PLA2G2C: variants seen among roughly 807,000 people sequenced by gnomAD.
PLA2G2C encodes putative inactive group IIC secretory phospholipase A2.
Under a neutral mutation model 14.3 loss-of-function variants are expected in PLA2G2C, and 15 were observed. The observed-to-expected ratio is 1.05, with a 90% confidence interval of 0.70 to 1.62. The LOEUF is 1.62. Ranked by LOEUF, PLA2G2C falls within the 40% of genes most tolerant of loss-of-function variation. The pLI, the probability that PLA2G2C is intolerant of heterozygous loss-of-function variation, is 0.00. For missense variants in PLA2G2C, 162 were observed against 173.2 expected, an observed-to-expected ratio of 0.94 and a Z score of 0.36; for synonymous variants, 79 against 67.7, an observed-to-expected ratio of 1.17 and a Z score of -0.82.
intron 4 of PLA2G2C, among the ~76,000 whole-genome samples, chr1:20,165,512 A>G (rs1306511442): frequency 6.6e-6 from 1 of 152,220 alleles, no homozygotes; most frequent in Admixed American, 6.5e-5. Context: ...CACAGAGCAG[A>G]TGCTCAATAG....
intron 1 of PLA2G2C, among the ~76,000 whole-genome samples, chr1:20,185,701 T>C (rs550581094): frequency 1.2e-4 from 18 of 152,148 alleles, no homozygotes; most frequent in South Asian, 4.2e-4. Flanking sequence ...GTTCCGAGAA[T>C]CCATCAGTCC....
At chr1:20,179,216 G>C (rs1024708288) in intron 1 of PLA2G2C, among the ~76,000 whole-genome samples, 100 of 148,250 alleles carry the variant, frequency 6.7e-4, no homozygotes, top group African/African-American at 2.3e-3. Flanking sequence ...GTTTCTCTGT[G>C]TGTGTGTGTG....
intron 3 of PLA2G2C, 79 bp from the exon 4 acceptor site, chr1:20,172,976 G>T: frequency 2.0e-6 from 2 of 1,013,884 alleles, no homozygotes; most frequent in South Asian, 1.4e-5. Flanking sequence ...CCTCCTCTAG[G>T]CAAGAAGGCA....
chr1:20,183,680 C>G (rs776338705), intron 1 of PLA2G2C, among the ~76,000 whole-genome samples: 3 of 152,064 alleles, frequency 2.0e-5, no homozygotes, highest in Non-Finnish European at 4.4e-5. Flanking sequence ...AAGGGCTTCA[C>G]GGAAGAGGTG....
chr1:20,180,775 G>A (rs1430478656), intron 1 of PLA2G2C, among the ~76,000 whole-genome samples: 1 of 152,220 alleles, frequency 6.6e-6, no homozygotes, highest in Non-Finnish European at 1.5e-5. Flanking sequence ...CTTGATGAGG[G>A]GCAAGAATGT....
intron 1 of PLA2G2C, among the ~76,000 whole-genome samples, chr1:20,179,772 T>C (rs1182407798): frequency 7.0e-6 from 1 of 142,800 alleles, no homozygotes; most frequent in Non-Finnish European, 1.5e-5. Flanking sequence ...GTGTGTGAGC[T>C]TGTCCCTCTG....
intron 3 of PLA2G2C, among the ~76,000 whole-genome samples, 187 bp from the exon 4 acceptor site, chr1:20,173,084 G>C (rs982290451): frequency 6.6e-6 from 1 of 151,896 alleles, no homozygotes; most frequent in East Asian, 1.9e-4. Context: ...TAAGGCAGGA[G>C]GATCGCTTCA....
rs752547599 is a variant in PLA2G2C, at chr1:20,175,111, C to T, written c.75G>A (p.Arg25=). 2 of 1,613,966 alleles carry T rather than the reference C, an allele frequency of 1.2e-6. No individual in the cohort carries two copies. The highest frequency in any genetic ancestry group is 8.5e-7 in the Non-Finnish European group (1 of 1,179,874). The change falls in exon 3 of 5, where the codon AGG becomes AGA. Residue 25 remains arginine, a synonymous_variant. Transcript: ENST00000679259. The part of the protein sequence containing the change: ...PTHSSFWQFQ[R]RVKHITGRSA... ...TTCGCCCCGTGATGTGTTTGACCCT[C>T]CTCTGAAACTGCCAGAAACTGCTGT...
In PLA2G2C at chr1:20,172,803, C is replaced by A; in HGVS notation, c.274G>T (p.Ala92Ser). Residue 92 changes from alanine (A) to serine (S), a missense_variant, in exon 4 of 5, where the codon GCA (alanine) becomes TCA (serine). Ala to Ser is a moderately conservative substitution (Grantham distance 99). Transcript: ENST00000679259. Reference protein sequence around the residue: ...NSYQFHIVNGAVVCGCTLGPG... With the variant: ...NSYQFHIVNGSVVCGCTLGPG... ...AGAAAAGGCTACTCACAAACCACTGCGCCATTGACGATGTGGAACTGGTAG... is the reference window on the plus strand; with the variant it reads ...AGAAAAGGCTACTCACAAACCACTGAGCCATTGACGATGTGGAACTGGTAG... 1 of 1,613,386 alleles carries A rather than the reference C, an allele frequency of 6.2e-7. No individual in the cohort carries two copies. The highest frequency in any genetic ancestry group is 8.5e-7 in the Non-Finnish European group (1 of 1,179,480).
chr1:20,181,326 G>A (rs2018276515), intron 1 of PLA2G2C, among the ~76,000 whole-genome samples: 1 of 152,074 alleles, frequency 6.6e-6, no homozygotes, highest in Non-Finnish European at 1.5e-5. Context: ...ACCAACAGGA[G>A]GCTAAGCACA....
intron 2 of PLA2G2C, among the ~76,000 whole-genome samples, chr1:20,176,552 G>A (rs1268755641): frequency 2.6e-5 from 4 of 152,228 alleles, no homozygotes; most frequent in Non-Finnish European, 5.9e-5. Flanking sequence ...AAACCCATGG[G>A]CGGTCACTGC....
intron 3 of PLA2G2C, among the ~76,000 whole-genome samples, chr1:20,174,068 T>C (rs1236695208): frequency 1.3e-5 from 2 of 152,158 alleles, no homozygotes; most frequent in African/African-American, 4.8e-5. Flanking sequence ...CCTGCGAGAA[T>C]TAAATTAGGT....
chr1:20,165,429 G>C, intron 4 of PLA2G2C, among the ~76,000 whole-genome samples: 1 of 152,190 alleles, frequency 6.6e-6, no homozygotes, highest in East Asian at 1.9e-4. Flanking sequence ...TCCCCTCAAA[G>C]AAGCATAAGC....
chr1:20,164,084 C>A lies in PLA2G2C; in HGVS notation c.357G>T (p.Val119=). Residue 119 remains valine, a synonymous_variant, in exon 5 of 5, where the codon GTG becomes GTT. Transcript: ENST00000679259. ...TGGGCAGGCTCTCTTTGAAGCAGTG[C>A]ACGGATTGCTTGTCACACTCACAGG... is the stretch of plus-strand genomic sequence containing the variant. ...LKACECDKQS[V]HCFKESLPTY... is the part of the protein sequence containing the mutation. The A allele has an allele frequency of 1.9e-6, 3 of 1,613,912 alleles. No individual in the cohort carries two copies. Among genetic ancestry groups the A allele is most frequent in the Non-Finnish European group, 2.5e-6 (3 of 1,179,856 alleles).
At chr1:20,165,307 C>T (rs2017956655) in intron 4 of PLA2G2C, among the ~76,000 whole-genome samples, 1 of 152,220 alleles carries the variant, frequency 6.6e-6, no homozygotes. Flanking sequence ...GAGAGGTGCT[C>T]CCTGACCACC....
Position 20,177,367 on chromosome 1 carries a change from T to A in PLA2G2C, c.-4A>T. On this transcript the variant is annotated 5_prime_UTR_variant, in exon 2 of 5. Transcript: ENST00000679259. ...TGAGGATGGCAATGACCTTCATTCCTGAGGAGACCAGGGGGTCTGAGGTTC... is the reference window on the plus strand; with the variant it reads ...TGAGGATGGCAATGACCTTCATTCCAGAGGAGACCAGGGGGTCTGAGGTTC... The A allele has an allele frequency of 1.4e-6, 1 of 698,476 alleles. No homozygotes were observed. Among genetic ancestry groups the A allele is most frequent in the South Asian group, 1.5e-5 (1 of 66,980 alleles). 43.3% of individuals were successfully genotyped at this position (698,476 alleles called of 1,614,324 possible). A position where few individuals can be genotyped will look rare whatever the true frequency, so the allele number is the denominator to read the frequency against.
chr1:20,185,285 T>C (rs2018349508), intron 1 of PLA2G2C, among the ~76,000 whole-genome samples: 1 of 152,206 alleles, frequency 6.6e-6, no homozygotes, highest in African/African-American at 2.4e-5. Context: ...ACTTCTTCAA[T>C]ACCCGTGTGT....
At chr1:20,168,697 G>A (rs2018018704) in intron 4 of PLA2G2C, among the ~76,000 whole-genome samples, 1 of 152,264 alleles carries the variant, frequency 6.6e-6, no homozygotes, top group African/African-American at 2.4e-5. Flanking sequence ...GGGAGATGCA[G>A]ATGATGGAGT....
intron 4 of PLA2G2C, among the ~76,000 whole-genome samples, chr1:20,170,378 C>G (rs2018050696): frequency 6.6e-6 from 1 of 152,208 alleles, no homozygotes; most frequent in Non-Finnish European, 1.5e-5. Flanking sequence ...AGGGGCTGAT[C>G]TGGATAATCT....
Sources: gnomAD v4.1 joint callset for allele counts (sites outside exome capture counted in the v4.1 genomes callset) on GRCh38, gnomAD v4.1.1 for gene constraint, MANE v1.5 for transcripts, NCBI Gene and HGNC (gene_info 2026-07-23, HGNC 2026-07-21) for gene names.